Variants in SEPTIN7 observed in about 807,000 individuals in gnomAD.
SEPTIN7 encodes septin 7.
In SEPTIN7, 10 loss-of-function variants were observed where a neutral mutation model predicts 63.3. That is an observed-to-expected ratio of 0.16 (90% CI 0.10 to 0.27). SEPTIN7 has a LOEUF of 0.27. Among genes scored for constraint, SEPTIN7 ranks in the 10% least tolerant of loss-of-function variants. The pLI is 1.00. For missense variants in SEPTIN7, 310 were observed against 521.0 expected (o/e 0.59, Z 3.94); for synonymous variants, 131 against 165.3 (o/e 0.79, Z 1.59).
intron 1 of SEPTIN7, among the ~76,000 whole-genome samples, chr7:35,822,868 T>C (rs1783298763): frequency 6.6e-6 from 1 of 152,212 alleles, no homozygotes; most frequent in African/African-American, 2.4e-5. Context: ...ACCCCTGTTT[T>C]GTTCTAATAT....
At chr7:35,866,403 C>T (rs1318465229) in intron 4 of SEPTIN7, among the ~76,000 whole-genome samples, 5 of 152,120 alleles carry the variant, frequency 3.3e-5, no homozygotes, top group African/African-American at 1.2e-4. Flanking sequence ...GAGTGGTCAC[C>T]AGTATTGTAT....
intron 3 of SEPTIN7, 24 bp from the exon 4 acceptor site, chr7:35,863,528 G>T (rs1785629635): frequency 7.0e-7 from 1 of 1,431,804 alleles, no homozygotes; most frequent in South Asian, 1.2e-5. Context: ...GAGTTTAACA[G>T]ATATTTTCCC....
chr7:35,900,969 T>A (rs975406113), intron 12 of SEPTIN7: 1 of 152,208 alleles, frequency 6.6e-6, no homozygotes, highest in Non-Finnish European at 1.5e-5. Flanking sequence ...ATCCCTGTGA[T>A]AATGAGTTTG....
chr7:35,858,170 C>T (rs1243474321), intron 3 of SEPTIN7, among the ~76,000 whole-genome samples: 1 of 152,008 alleles, frequency 6.6e-6, no homozygotes, highest in East Asian at 1.9e-4. Flanking sequence ...GTCTTGAACT[C>T]CTGAGCTGAA....
chr7:35,890,618 T>C (rs757131627), intron 10 of SEPTIN7, 50 bp from the exon 11 acceptor site: 1 of 1,359,416 alleles, frequency 7.4e-7, no homozygotes, highest in South Asian at 2.1e-5. Context: ...TTAAGCTTTT[T>C]TCCCCCTAGC....
Position 35,905,722 on chromosome 7 carries a change from A to G in SEPTIN7, c.*1429A>G, listed in dbSNP as rs974462845. 3.3e-5 allele frequency: 5 copies of G among 152,084 alleles called. No homozygotes were observed. Among genetic ancestry groups the G allele is most frequent in the African/African-American group, 1.2e-4 (5 of 41,402 alleles). The allele number at this position is 152,084 out of a possible 1,614,324, so 9.4% of individuals were successfully genotyped here. A position where few individuals can be genotyped will look rare whatever the true frequency, so the allele number is the denominator to read the frequency against. On this transcript the variant is annotated 3_prime_UTR_variant, in exon 14 of 14. Transcript: ENST00000350320. ...TTTTGCAGCCTCCCAAAGTTCTGGG[A>G]TTACAGGCATGAGCCGTCATGCCTG...
chr7:35,805,935 G>C (rs1230755590), intron 1 of SEPTIN7, among the ~76,000 whole-genome samples: 1 of 152,200 alleles, frequency 6.6e-6, no homozygotes, highest in African/African-American at 2.4e-5. Flanking sequence ...CTCCAGGTCA[G>C]AGTTTCTCAT....
intron 11 of SEPTIN7, among the ~76,000 whole-genome samples, chr7:35,895,520 C>A (rs1377110675): frequency 2.0e-5 from 3 of 152,146 alleles, no homozygotes; most frequent in Admixed American, 1.3e-4. Flanking sequence ...TTAAAACTTT[C>A]AAGACTTTCA....
At chr7:35,834,160 C>G (rs777715090) in intron 3 of SEPTIN7, among the ~76,000 whole-genome samples, 4 of 151,756 alleles carry the variant, frequency 2.6e-5, no homozygotes, top group Non-Finnish European at 5.9e-5. Context: ...TGTATCTTAC[C>G]TTTACATATG....
intron 3 of SEPTIN7, chr7:35,847,436 G>A (rs1784734099): frequency 6.2e-6 from 1 of 161,204 alleles, no homozygotes; most frequent in African/African-American, 2.4e-5. Context: ...TTGTCTTGGT[G>A]AGGTCCACAG....
In SEPTIN7 at chr7:35,801,234, G is replaced by C. The variant is rs781461598; in HGVS notation, c.25G>C (p.Ala9Pro). The C allele has an allele frequency of 2.0e-6, 3 of 1,534,878 alleles. No individual in the cohort carries two copies. ...GATGTCGGTCAGTGCGAGATCCGCT[G>C]CTGCTGAGGAGAGGAGCGTCAACAG... is the stretch of plus-strand genomic sequence containing the variant. MSVSARSA[A>P]AEERSVNSST... The change falls in exon 1 of 14, where the codon GCT becomes CCT. Residue 9 changes from alanine to proline, a missense_variant. Transcript: ENST00000350320.
chr7:35,812,277 TAGAG>T (rs1176509341), intron 1 of SEPTIN7, among the ~76,000 whole-genome samples: 2 of 151,816 alleles, frequency 1.3e-5, no homozygotes, highest in Non-Finnish European at 2.9e-5. Flanking sequence ...GCTGTGCTGT[TAGAG>T]AGGTAATTAC....
At chr7:35,914,485 T>C in the SEPTIN7 span, among the ~76,000 whole-genome samples, 1 of 152,174 alleles carries the variant, frequency 6.6e-6, no homozygotes, top group African/African-American at 2.4e-5. Context: ...GCCTCCGGGC[T>C]TTCTTTGGAC....
At chr7:35,885,750 C>A in intron 9 of SEPTIN7, 78 bp from the exon 10 acceptor site, 1 of 1,116,494 alleles carries the variant, frequency 9.0e-7, no homozygotes, top group South Asian at 1.3e-5. Flanking sequence ...TTTTACACCC[C>A]AAGTTCCTGT....
At chr7:35,868,733 A>G (rs1164276612) in intron 4 of SEPTIN7, among the ~76,000 whole-genome samples, 1 of 152,164 alleles carries the variant, frequency 6.6e-6, no homozygotes, top group Non-Finnish European at 1.5e-5. Context: ...AAGAAATGAG[A>G]GATTGACGAT....
Position 35,871,776 on chromosome 7 carries a change from T to A in SEPTIN7, c.277-890T>A, listed in dbSNP as rs1395182586. Among the ~76,000 whole-genome samples, 6 of 152,216 alleles carry A rather than the reference T, an allele frequency of 3.9e-5. No homozygotes were observed. The East Asian group carries it at 1.2e-3, about 29-fold the overall frequency. On this transcript the variant is annotated intron_variant, in intron 4 of 13. Coordinates refer to ENST00000350320, the MANE Select transcript of SEPTIN7 (RefSeq NM_001788.6). Reference sequence around the variant, plus strand: ...AAGGACTTGTTATCCTTATTAAATGTGTTATCAGGAGAAAGCCTGTCTTTT... The same window carrying A: ...AAGGACTTGTTATCCTTATTAAATGAGTTATCAGGAGAAAGCCTGTCTTTT...
chr7:35,888,162 A>C (rs1353618431), intron 10 of SEPTIN7, among the ~76,000 whole-genome samples: 5 of 152,360 alleles, frequency 3.3e-5, no homozygotes, highest in African/African-American at 1.2e-4. Flanking sequence ...GATATCAGCA[A>C]TGGGAAATGG....
intron 1 of SEPTIN7, among the ~76,000 whole-genome samples, chr7:35,811,095 G>A (rs955441944): frequency 3.9e-5 from 6 of 151,996 alleles, no homozygotes; most frequent in African/African-American, 1.5e-4. Flanking sequence ...GGAAGATTTT[G>A]GTATGTATTG....
chr7:35,801,333 C>T, intron 1 of SEPTIN7, 63 bp downstream of exon 1: 4 of 1,508,026 alleles, frequency 2.7e-6, no homozygotes, highest in South Asian at 2.5e-5. Context: ...GGAAGCTCTG[C>T]GGCCGCTGGA....
Sources: allele counts gnomAD v4.1 joint callset (sites outside exome capture counted in the v4.1 genomes callset), GRCh38; gene constraint gnomAD v4.1.1; transcripts MANE v1.5; gene names NCBI Gene and HGNC (gene_info 2026-07-23, HGNC 2026-07-21).